The following ADGRL1 variants were observed in gnomAD, a reference collection of about 807,000 sequenced individuals.
ADGRL1 encodes CIRL-1.
Under a neutral mutation model 148.9 loss-of-function variants are expected in ADGRL1, and 31 were observed. The observed-to-expected ratio is 0.21, with a 90% CI of 0.16 to 0.28. The LOEUF is 0.28. ADGRL1 is among the 10% of genes least tolerant of loss of function. ADGRL1 has a pLI of 1.00. For missense variants in ADGRL1, 1,521 were observed against 2,058.8 expected (o/e 0.74, Z 5.05); for synonymous variants, 937 against 900.3 (o/e 1.04, Z -0.73).
At chr19:14,195,131 C>T (rs372217653) in intron 1 of ADGRL1, among the ~76,000 whole-genome samples, 15 of 152,200 alleles carry the variant, frequency 9.9e-5, no homozygotes, top group Admixed American at 2.0e-4. Flanking sequence ...GCGATCCTCC[C>T]GCCTCAGCCT....
Position 14,160,440 on chromosome 19 carries a change from C to A in ADGRL1, c.1615-143G>T, listed in dbSNP as rs1010250508. ...ATCTGCCCCTTCCCACCCCATCTGT[C>A]CCTGCTCCCTTTGTAGGCCAGGGAG... is the stretch of plus-strand genomic sequence containing the variant. On this transcript the variant is annotated intron_variant, in intron 7 of 22. Coordinates refer to ENST00000361434, the MANE Select transcript of ADGRL1 (RefSeq NM_014921.5). The surrounding 1 kb of genome is among the most constrained non-coding windows in gnomAD (Gnocchi z 5.9). 12 of 938,352 alleles carry A rather than the reference C, an allele frequency of 1.3e-5. No individual in the cohort carries two copies. Among genetic ancestry groups the A allele is most frequent in the Non-Finnish European group, 1.9e-5 (12 of 635,614 alleles). The allele number at this position is 938,352 out of a possible 1,614,324, so 58.1% of individuals were successfully genotyped here.
rs777416729 is a variant in ADGRL1, at chr19:14,151,085, G to C, written c.4198C>G (p.Pro1400Ala). ...PSYPDSSPEG[P>A]SEALPPPPPA... ...GGGGGTGGGGGCAGGGCCTCACTGG[G>C]CCCCTCAGGGCTGCTGTCCGGGTAG... is the stretch of plus-strand genomic sequence containing the variant. Residue 1400 changes from proline (P) to alanine (A), a missense_variant, in exon 23 of 23, where the codon CCC (proline) becomes GCC (alanine). Physicochemically the swap from Pro to Ala is conservative, Grantham distance 27. Around this residue, in one of 8 missense-constraint regions of ADGRL1, gnomAD observed 390 missense variants for 375.0 expected, o/e 1.04. Transcript: ENST00000361434. The C allele has an allele frequency of 3.8e-5, 57 of 1,516,310 alleles. No homozygotes were observed. The highest frequency in any genetic ancestry group is 2.6e-4 in the South Asian group (20 of 77,658). The allele number at this position is 1,516,310 out of a possible 1,614,324, so 93.9% of individuals were successfully genotyped here.
Position 14,159,315 on chromosome 19 carries a change from C to T in ADGRL1, c.2023+86G>A, listed in dbSNP as rs553741581. ...AGACTCTGGCAAGATGCCCAAGGGTCGGATAGCCCCCCTGTGGCCTCCAGG... is the reference window on the plus strand; with the variant it reads ...AGACTCTGGCAAGATGCCCAAGGGTTGGATAGCCCCCCTGTGGCCTCCAGG... On this transcript the variant is annotated intron_variant, in intron 10 of 22. Coordinates refer to ENST00000361434, the MANE Select transcript of ADGRL1 (RefSeq NM_014921.5). This position sits in a 1 kb window ranked among gnomAD's most constrained non-coding sequence, Gnocchi z 6.0. 455 of 1,572,870 alleles carry T rather than the reference C, an allele frequency of 2.9e-4. No individual in the cohort carries two copies. The African/African-American group carries it at 3.1e-3, about 11-fold the overall frequency.
In ADGRL1 at chr19:14,177,516, C is replaced by T. The variant is rs200717671; in HGVS notation, c.284+15G>A. 8 of 1,609,686 alleles carry T rather than the reference C, an allele frequency of 5.0e-6. No homozygotes were observed. The highest frequency in any genetic ancestry group is 1.6e-4 in the Middle Eastern group (1 of 6,074). Reference sequence around the variant, plus strand: ...CGGGCACTTCATCCAGGAACTGCCACGAGAGCCCACTCACCTCTGTGACAT... The same window carrying T: ...CGGGCACTTCATCCAGGAACTGCCATGAGAGCCCACTCACCTCTGTGACAT... On this transcript the variant is annotated intron_variant, in intron 3 of 22. Coordinates refer to ENST00000361434, the MANE Select transcript of ADGRL1 (RefSeq NM_014921.5).
At position 14,206,089 on chromosome 19, in the gene ADGRL1, C is replaced by A. The variant is rs1469639067; in HGVS notation, c.-200G>T. ...TCCCGGAGCCGGGGCTGGGGGGAAG[C>A]GGGTAGGAGGTGGCGGGACGAGGGC... On this transcript the variant is annotated 5_prime_UTR_variant, in exon 1 of 23. Coordinates refer to ENST00000361434, the MANE Select transcript of ADGRL1 (RefSeq NM_014921.5). 6.7e-6 allele frequency: 1 copy of A among 150,250 alleles called. No individual in the cohort carries two copies. Among genetic ancestry groups the A allele is most frequent in the Non-Finnish European group, 1.5e-5 (1 of 67,662 alleles). The allele number at this position is 150,250 out of a possible 1,614,324, so 9.3% of individuals were successfully genotyped here.
intron 3 of ADGRL1, among the ~76,000 whole-genome samples, chr19:14,174,563 T>G: frequency 1.4e-5 from 2 of 145,064 alleles, no homozygotes. Context: ...TGAGACAGAG[T>G]CTCACTCTGT....
At chr19:14,193,722 G>A (rs938759041) in intron 1 of ADGRL1, among the ~76,000 whole-genome samples, 9 of 152,194 alleles carry the variant, frequency 5.9e-5, no homozygotes, top group Non-Finnish European at 1.0e-4. Flanking sequence ...AACAACTGAC[G>A]CCCTTATACA....
intron 3 of ADGRL1, among the ~76,000 whole-genome samples, chr19:14,175,979 T>C (rs1177532215): frequency 7.1e-6 from 1 of 141,804 alleles, no homozygotes; most frequent in East Asian, 2.1e-4. Flanking sequence ...GCTTGAACCC[T>C]GGAGGTGGAG....
intron 1 of ADGRL1, among the ~76,000 whole-genome samples, chr19:14,194,956 C>T (rs141346537): frequency 0.011 from 1,706 of 151,374 alleles, 16 homozygotes; most frequent in South Asian, 0.018. Flanking sequence ...GCACTCTCAG[C>T]TCACTGCAGC....
chr19:14,175,511 C>T (rs1970762858), intron 3 of ADGRL1, among the ~76,000 whole-genome samples: 1 of 151,838 alleles, frequency 6.6e-6, no homozygotes, highest in Non-Finnish European at 1.5e-5. Flanking sequence ...TAAACACACC[C>T]AAATACACTC....
Position 14,155,537 on chromosome 19 carries a change from G to C in ADGRL1, c.3126-10C>G. The C allele has an allele frequency of 6.2e-7, 1 of 1,612,910 alleles. No homozygotes were observed. Among genetic ancestry groups the C allele is most frequent in the Non-Finnish European group, 8.5e-7 (1 of 1,179,702 alleles). On this transcript the variant is annotated splice_polypyrimidine_tract_variant and intron_variant, in intron 17 of 22. Transcript: ENST00000361434. The surrounding 1 kb of genome is among the most constrained non-coding windows in gnomAD (Gnocchi z 5.0). ...CCCCAGCGCCCAGGATCTGGGAGTGGGGCGACAGGGGAGTCAAAGTACCCG... is the reference window on the plus strand; with the variant it reads ...CCCCAGCGCCCAGGATCTGGGAGTGCGGCGACAGGGGAGTCAAAGTACCCG...
intron 3 of ADGRL1, among the ~76,000 whole-genome samples, chr19:14,172,910 A>G (rs570144284): frequency 6.6e-6 from 1 of 152,298 alleles, no homozygotes; most frequent in East Asian, 1.9e-4. Context: ...ATATTTTACT[A>G]CTAAAAATTA....
Position 14,183,579 on chromosome 19 carries a change from G to A in ADGRL1, c.24C>T (p.Leu8=). The stretch of plus-strand genomic sequence containing the variant: ...GGACGGCGGTGACACACAGATTCCA[G>A]AGCACTGCGGCTAGGCGGGCCATGG... MARLAAV[L]WNLCVTAVLV... is the part of the protein sequence containing the mutation. The change falls in exon 2 of 23, where the codon CTC becomes CTT. Residue 8 remains leucine (L), a synonymous_variant. Transcript: ENST00000361434. The A allele has an allele frequency of 6.3e-7, 1 of 1,584,712 alleles. No individual in the cohort carries two copies. The highest frequency in any genetic ancestry group is 1.8e-5 in the Admixed American group (1 of 56,028).
Position 14,159,452 on chromosome 19 carries a change from C to T in ADGRL1, c.1972G>A (p.Ala658Thr). 1 of 1,613,148 alleles carries T rather than the reference C, an allele frequency of 6.2e-7. No homozygotes were observed. The change falls in exon 10 of 23, where the codon GCC (alanine) becomes ACC (threonine). Residue 658 changes from alanine to threonine, a missense_variant. Ala to Thr is a moderately conservative substitution (Grantham distance 58). This residue lies in a region of ADGRL1 where 265 missense variants were observed against 431.9 expected (regional missense o/e 0.61). Coordinates refer to ENST00000361434, the MANE Select transcript of ADGRL1 (RefSeq NM_014921.5). This position sits in a 1 kb window ranked among gnomAD's most constrained non-coding sequence, Gnocchi z 6.0. ...DVLEEGAFLLADNVREPARFL... is the reference protein window; with the variant it reads ...DVLEEGAFLLTDNVREPARFL... Reference sequence around the variant, plus strand: ...CGGGCAGGCTCCCTGACATTGTCGGCCAGCAGGAAGGCGCCCTCCTCCAGG... The same window carrying T: ...CGGGCAGGCTCCCTGACATTGTCGGTCAGCAGGAAGGCGCCCTCCTCCAGG...
chr19:14,151,639 C>T, intron 22 of ADGRL1, 24 bp from the exon 23 acceptor site: 1 of 1,564,850 alleles, frequency 6.4e-7, no homozygotes, highest in Non-Finnish European at 8.6e-7. Flanking sequence ...AGGGGCTGGT[C>T]AGGTTGAAGA....
chr19:14,180,103 G>A (rs987160454), intron 2 of ADGRL1, among the ~76,000 whole-genome samples: 8 of 152,250 alleles, frequency 5.3e-5, no homozygotes, highest in Middle Eastern at 3.4e-3. Context: ...AACAAGGCTT[G>A]GGGGAGCCTC....
rs143531921 is a variant in ADGRL1 at position 14,150,578 on chromosome 19, C to T, written c.*295G>A. On this transcript the variant is annotated 3_prime_UTR_variant, in exon 23 of 23. Coordinates refer to ENST00000361434, the MANE Select transcript of ADGRL1 (RefSeq NM_014921.5). ...GAGGGGAGAGTCTGGAAGTGGGCTG[C>T]ACCCTTCCAAGTTCTCCCTCCTCAC... 3 of 440,696 alleles carry T rather than the reference C, an allele frequency of 6.8e-6. No individual in the cohort carries two copies. The highest frequency in any genetic ancestry group is 4.0e-5 in the East Asian group (1 of 25,086). The allele number at this position is 440,696 out of a possible 1,614,324, so 27.3% of individuals were successfully genotyped here.
intron 1 of ADGRL1, among the ~76,000 whole-genome samples, chr19:14,198,029 AG>A (rs946253027): frequency 6.6e-6 from 1 of 152,072 alleles, no homozygotes; most frequent in African/African-American, 2.4e-5. Flanking sequence ...GGTCTTGAGG[AG>A]GTGAGCCATC....
Position 14,163,111 on chromosome 19 carries a change from C to T in ADGRL1, c.690G>A (p.Lys230=), listed in dbSNP as rs1287308745. The T allele has an allele frequency of 6.2e-7, 1 of 1,614,120 alleles. No homozygotes were observed. Among genetic ancestry groups the T allele is most frequent in the Non-Finnish European group, 8.5e-7 (1 of 1,180,022 alleles). Residue 230 remains lysine (K), a synonymous_variant, in exon 5 of 23, where the codon AAG becomes AAA. Coordinates refer to ENST00000361434, the MANE Select transcript of ADGRL1 (RefSeq NM_014921.5). ...YNKERTRNIV[K]YDLRTRIKSG... is the part of the protein sequence containing the mutation. Reference sequence around the variant, plus strand: ...TCTTGATGCGCGTCCGTAGGTCATACTTGACGATGTTGCGCGTGCGCTCCT... The same window carrying T: ...TCTTGATGCGCGTCCGTAGGTCATATTTGACGATGTTGCGCGTGCGCTCCT...
Sources: gnomAD v4.1 joint callset for allele counts (sites outside exome capture counted in the v4.1 genomes callset) on GRCh38, gnomAD v4.1.1 for gene constraint, gnomAD v4.1.1 regional missense constraint, Gnocchi (gnomAD v3.1) non-coding constraint, MANE v1.5 for transcripts, NCBI Gene and HGNC (gene_info 2026-07-23, HGNC 2026-07-21) for gene names.